The following CNIH3 variants were observed in gnomAD, a reference collection of about 807,000 sequenced individuals.
The protein encoded by CNIH3 is protein cornichon homolog 3.
Under a neutral mutation model 24.1 loss-of-function variants are expected in CNIH3, and 14 were observed. The observed-to-expected ratio is 0.58, with a 90% confidence interval of 0.38 to 0.91. The LOEUF is 0.91. Among genes scored for constraint, CNIH3 ranks in the 40% least tolerant of loss-of-function variants. The probability of loss-of-function intolerance (pLI) is 0.00; values close to 1 mark genes in which losing one functional copy is unlikely to be tolerated. For synonymous variants in CNIH3, 68 were observed against 73.8 expected, an observed-to-expected ratio of 0.92 and a Z score of 0.40; for missense variants, 178 against 196.8, an observed-to-expected ratio of 0.90 and a Z score of 0.57.
chr1:224,547,775 AATGAG>A (rs1679759884), intron 3 of CNIH3, among the ~76,000 whole-genome samples: 1 of 152,034 alleles, frequency 6.6e-6, no homozygotes. Context: ...CGTAATACCG[AATGAG>A]ATATTACTTC....
intron 4 of CNIH3, among the ~76,000 whole-genome samples, chr1:224,577,746 A>G (rs995728658): frequency 6.6e-6 from 1 of 152,228 alleles, no homozygotes; most frequent in Admixed American, 6.5e-5. Context: ...AAGTCATTAT[A>G]TGAAAAAGAC....
rs771859988 is a variant in CNIH3, at chr1:224,617,243, C to T, written c.69C>T (p.Phe23=). The T allele has an allele frequency of 5.9e-5, 95 of 1,613,912 alleles. No individual in the cohort carries two copies. The highest frequency in any genetic ancestry group is 1.6e-4 in the Middle Eastern group (1 of 6,078). ...SLVLCAALIF[F]AIWHIIAFDE... Reference sequence around the variant, plus strand: ...TGCTGTGCGCTGCGCTCATCTTCTTCGCCATCTGGCACGTGAGTAACACGC... The same window carrying T: ...TGCTGTGCGCTGCGCTCATCTTCTTTGCCATCTGGCACGTGAGTAACACGC... The change falls in exon 1 of 6, where the codon TTC becomes TTT. Residue 23 remains phenylalanine, a synonymous_variant. Transcript: ENST00000272133.
At chr1:224,489,982 T>C (rs1355258026) in intron 1 of CNIH3, among the ~76,000 whole-genome samples, 1 of 152,162 alleles carries the variant, frequency 6.6e-6, no homozygotes, top group Non-Finnish European at 1.5e-5. Flanking sequence ...TGTATTTCAG[T>C]GGGACACAAA....
At chr1:224,575,466 A>G in intron 4 of CNIH3, 1 of 666,860 alleles carries the variant, frequency 1.5e-6, no homozygotes, top group Non-Finnish European at 2.6e-6. Flanking sequence ...TTGCAAAGGT[A>G]GTATGGCCTG....
chr1:224,718,421 G>T (rs1688544614), intron 3 of CNIH3, among the ~76,000 whole-genome samples: 1 of 152,230 alleles, frequency 6.6e-6, no homozygotes, highest in Admixed American at 6.5e-5. Flanking sequence ...GTGAGTGGCG[G>T]GTTGTAGGGC....
chr1:224,662,680 G>C (rs537790007), intron 1 of CNIH3, among the ~76,000 whole-genome samples: 1 of 152,212 alleles, frequency 6.6e-6, no homozygotes, highest in South Asian at 2.1e-4. Context: ...CTTAATTTAT[G>C]GGTTCCTTTT....
At chr1:224,447,696 G>A (rs764744990) in intron 1 of CNIH3, among the ~76,000 whole-genome samples, 23 of 152,152 alleles carry the variant, frequency 1.5e-4, no homozygotes, top group Non-Finnish European at 2.6e-4. Flanking sequence ...CCATTGCTTT[G>A]GCAACTTATG....
Position 224,574,577 on chromosome 1 carries a change from G to A in CNIH3, n.516+8313G>A, listed in dbSNP as rs1680954670. ...ACTGCCACATCGACTGTGCCCACGT[G>A]TACCAGAATGAGAATGACGTGGGGG... On this transcript the variant is annotated intron_variant and non_coding_transcript_variant, in intron 4 of 5. Transcript: ENST00000471578. The A allele has an allele frequency of 7.7e-6, 6 of 781,964 alleles. No homozygotes were observed. In the Admixed American group the frequency reaches 8.6e-5, roughly 11 times the overall value. 48.4% of individuals were successfully genotyped at this position (781,964 alleles called of 1,614,324 possible). A position where few individuals can be genotyped will look rare whatever the true frequency, so the allele number is the denominator to read the frequency against.
chr1:224,617,998 C>T (rs1683103510), intron 1 of CNIH3, among the ~76,000 whole-genome samples: 1 of 152,198 alleles, frequency 6.6e-6, no homozygotes, highest in Non-Finnish European at 1.5e-5. Flanking sequence ...GCGTCCCCAG[C>T]CCACACAAGC....
At chr1:224,509,958 C>G (rs1028067084) in intron 1 of CNIH3, among the ~76,000 whole-genome samples, 3 of 152,204 alleles carry the variant, frequency 2.0e-5, no homozygotes, top group African/African-American at 7.2e-5. Context: ...TGCTTTCCAG[C>G]CCTCGATGCA....
chr1:224,572,358 A>C (rs1680853896), intron 4 of CNIH3, among the ~76,000 whole-genome samples: 1 of 152,078 alleles, frequency 6.6e-6, no homozygotes, highest in Non-Finnish European at 1.5e-5. Context: ...TCTACTAAAA[A>C]TACAAAACTT....
chr1:224,597,497 A>G (rs1383980871), intron 3 of CNIH3, among the ~76,000 whole-genome samples: 2 of 152,176 alleles, frequency 1.3e-5, no homozygotes, highest in East Asian at 3.9e-4. Context: ...TCACATTTCT[A>G]CATGGTTGTC....
chr1:224,597,548 G>A (rs903092662), intron 3 of CNIH3, among the ~76,000 whole-genome samples: 2 of 152,104 alleles, frequency 1.3e-5, no homozygotes, highest in African/African-American at 4.8e-5. Context: ...ATTTATAAAA[G>A]GTCCAAGAGT....
chr1:224,702,871 C>T (rs1687576975), intron 3 of CNIH3, among the ~76,000 whole-genome samples: 2 of 152,172 alleles, frequency 1.3e-5, no homozygotes, highest in African/African-American at 2.4e-5. Context: ...CCCCACTCCT[C>T]GGGCCCTGTC....
Position 224,523,617 on chromosome 1 carries a change from G to T in CNIH3, n.343+2290G>T, listed in dbSNP as rs897126716. 2.0e-5 allele frequency among the ~76,000 whole-genome samples: 3 copies of T among 152,176 alleles called. No homozygotes were observed. In the East Asian group the frequency reaches 5.8e-4, roughly 29 times the overall value. On this transcript the variant is annotated intron_variant and non_coding_transcript_variant, in intron 2 of 2. Coordinates refer to the CNIH3 transcript ENST00000470602. ...GTTTTGTTCTATTTCTCAACCTGGC[G>T]ATGGTTACACAGAGGTGCTTACTTT... is the stretch of plus-strand genomic sequence containing the variant.
intron 1 of CNIH3, among the ~76,000 whole-genome samples, chr1:224,666,665 CAGA>C (rs756134187): frequency 7.9e-5 from 12 of 152,168 alleles, no homozygotes; most frequent in African/African-American, 2.2e-4. Flanking sequence ...TGTCTTTATA[CAGA>C]AGGAGTCTGT....
At chr1:224,706,014 T>C (rs1201028439) in intron 3 of CNIH3, among the ~76,000 whole-genome samples, 2 of 152,090 alleles carry the variant, frequency 1.3e-5, no homozygotes, top group African/African-American at 4.8e-5. Context: ...TAGCACTTAC[T>C]AGGCAGCACT....
chr1:224,509,864 G>C (rs928007331), intron 1 of CNIH3, among the ~76,000 whole-genome samples: 1 of 152,206 alleles, frequency 6.6e-6, no homozygotes, highest in Admixed American at 6.5e-5. Context: ...AGCTGCAGGC[G>C]ACAGTGTCAG....
chr1:224,656,539 G>A (rs1424604780), intron 1 of CNIH3, among the ~76,000 whole-genome samples: 1 of 152,104 alleles, frequency 6.6e-6, no homozygotes, highest in Non-Finnish European at 1.5e-5. Flanking sequence ...GTATAAGGGC[G>A]GCGGGCGGCG....
Sources: gnomAD v4.1 joint callset for allele counts (sites outside exome capture counted in the v4.1 genomes callset) on GRCh38, gnomAD v4.1.1 for gene constraint, MANE v1.5 for transcripts, NCBI Gene and HGNC (gene_info 2026-07-23, HGNC 2026-07-21) for gene names.